The following EXOC6B variants were observed in gnomAD, a reference collection of about 807,000 sequenced individuals.
EXOC6B encodes the protein SEC15 homolog B.
A neutral mutation model predicts 113.5 loss-of-function variants in EXOC6B; 54 were observed. That is an observed-to-expected ratio of 0.48 (90% CI 0.38 to 0.60). EXOC6B has a LOEUF of 0.60. Ranked by LOEUF, EXOC6B falls within the 20% of genes least tolerant of loss-of-function variation. EXOC6B has a pLI of 0.00. For synonymous variants in EXOC6B, 357 were observed against 339.0 expected, an observed-to-expected ratio of 1.05 and a Z score of -0.58; for missense variants, 797 against 977.5, an observed-to-expected ratio of 0.82 and a Z score of 2.46.
At position 72,683,303 on chromosome 2, in the gene EXOC6B, T is replaced by TA. The variant is rs1158135640; in HGVS notation, c.669+34799dup. Among the ~76,000 whole-genome samples, 23 of 148,580 alleles carry TA rather than the reference T, an allele frequency of 1.5e-4. No homozygotes were observed. The South Asian group carries it at 2.5e-3, about 16-fold the overall frequency. Reference sequence around the variant, plus strand: ...TAGCAGATGCTCAAAAAGTGACTTTTAAAAAAAAAAGAGAAAGAATCCAAT... The same window carrying TA: ...TAGCAGATGCTCAAAAAGTGACTTTTAAAAAAAAAAAGAGAAAGAATCCAAT... On this transcript the variant is annotated intron_variant, in intron 6 of 21. Coordinates refer to ENST00000272427, the MANE Select transcript of EXOC6B (RefSeq NM_015189.3).
intron 1 of EXOC6B, among the ~76,000 whole-genome samples, chr2:72,755,084 C>T (rs1042141232): frequency 6.6e-6 from 1 of 152,166 alleles, no homozygotes; most frequent in East Asian, 1.9e-4. Context: ...CTGGCTCTCA[C>T]TTTGACACTG....
intron 18 of EXOC6B, among the ~76,000 whole-genome samples, chr2:72,445,678 C>T (rs1456226351): frequency 6.6e-6 from 1 of 152,078 alleles, no homozygotes; most frequent in Non-Finnish European, 1.5e-5. Context: ...TCTCATGAGA[C>T]TTATTCACTA....
intron 20 of EXOC6B, among the ~76,000 whole-genome samples, chr2:72,241,712 T>C (rs1031474315): frequency 3.9e-5 from 6 of 152,062 alleles, no homozygotes; most frequent in African/African-American, 7.2e-5. Context: ...TAGAAATATT[T>C]AAAATGTTGA....
chr2:72,766,244 C>A (rs1386673492), intron 1 of EXOC6B, among the ~76,000 whole-genome samples: 1 of 152,154 alleles, frequency 6.6e-6, no homozygotes, highest in Non-Finnish European at 1.5e-5. Context: ...CCAGCTCAGT[C>A]GTTGACTGGA....
At chr2:72,734,422 C>T (rs576053145) in intron 2 of EXOC6B, among the ~76,000 whole-genome samples, 2 of 152,244 alleles carry the variant, frequency 1.3e-5, no homozygotes, top group African/African-American at 4.8e-5. Flanking sequence ...CCAAAATGCA[C>T]ATCTAAGACA....
rs79932889 is a variant in EXOC6B, at chr2:72,271,591, T to C, written c.2196+63356A>G. On this transcript the variant is annotated intron_variant, in intron 20 of 21. Coordinates refer to ENST00000272427, the MANE Select transcript of EXOC6B (RefSeq NM_015189.3). ...AAAAGAAAGAGAAGGAGACAGAATCTACTGTGTCCTTTTGATTTTAGGGAA... is the reference window on the plus strand; with the variant it reads ...AAAAGAAAGAGAAGGAGACAGAATCCACTGTGTCCTTTTGATTTTAGGGAA... Among the ~76,000 whole-genome samples, 160 of 152,050 alleles carry C rather than the reference T, an allele frequency of 1.1e-3. 2 individuals carry two copies. The East Asian group carries it at 0.026, about 24-fold the overall frequency.
intron 19 of EXOC6B, among the ~76,000 whole-genome samples, chr2:72,377,385 C>G (rs112195214): frequency 0.012 from 1,858 of 152,094 alleles, 53 homozygotes; most frequent in African/African-American, 0.043. Flanking sequence ...ATCAGTTTGT[C>G]AAAAAGATAT....
intron 1 of EXOC6B, among the ~76,000 whole-genome samples, chr2:72,792,089 A>G (rs1472477524): frequency 6.6e-6 from 1 of 152,248 alleles, no homozygotes; most frequent in Non-Finnish European, 1.5e-5. Context: ...AATGTTCTTC[A>G]GTAGACCTTT....
At chr2:72,735,597 C>T (rs941541127) in intron 2 of EXOC6B, among the ~76,000 whole-genome samples, 1 of 151,362 alleles carries the variant, frequency 6.6e-6, no homozygotes, top group African/African-American at 2.4e-5. Flanking sequence ...GGTGGATCAA[C>T]CTGAGGTCAG....
chr2:72,183,748 C>T (rs889918661), intron 21 of EXOC6B, among the ~76,000 whole-genome samples: 54 of 151,280 alleles, frequency 3.6e-4, no homozygotes, highest in Admixed American at 9.2e-4. Context: ...CTGGCCTGAG[C>T]CCCAAACCGA....
rs148991038 is a variant in EXOC6B at position 72,231,558 on chromosome 2, C to T, written c.2197-47371G>A. On this transcript the variant is annotated intron_variant, in intron 20 of 21. Transcript: ENST00000272427. ...AGTATATAAAAAATGGGCAAATAAA[C>T]TGGGAAAATGTCTTCCTTTAGTAAA... is the stretch of plus-strand genomic sequence containing the variant. Among the ~76,000 whole-genome samples, 8 of 152,076 alleles carry T rather than the reference C, an allele frequency of 5.3e-5. No homozygotes were observed. In the East Asian group the frequency reaches 1.5e-3, roughly 29 times the overall value.
intron 1 of EXOC6B, among the ~76,000 whole-genome samples, chr2:72,747,697 C>T (rs1681790058): frequency 6.6e-6 from 1 of 152,042 alleles, no homozygotes; most frequent in African/African-American, 2.4e-5. Flanking sequence ...AGAGTCTACA[C>T]ACTTTACAAA....
intron 17 of EXOC6B, among the ~76,000 whole-genome samples, chr2:72,468,658 T>C (rs1038373918): frequency 3.5e-4 from 54 of 152,196 alleles, no homozygotes; most frequent in African/African-American, 1.2e-3. Context: ...CTTACTATTA[T>C]TTACTTTATT....
chr2:72,254,737 C>G (rs376567226), intron 20 of EXOC6B, among the ~76,000 whole-genome samples: 1 of 152,090 alleles, frequency 6.6e-6, no homozygotes, highest in Non-Finnish European at 1.5e-5. Context: ...CAGGGCCAGG[C>G]GTGGTGGCTC....
chr2:72,464,477 A>G (rs1226469922), intron 18 of EXOC6B: 1 of 152,418 alleles, frequency 6.6e-6, no homozygotes, highest in Admixed American at 6.6e-5. Context: ...TAAGGTGGTC[A>G]GCTTCAAACC....
intron 6 of EXOC6B, among the ~76,000 whole-genome samples, chr2:72,671,381 C>A (rs760350754): frequency 6.6e-6 from 1 of 152,058 alleles, no homozygotes; most frequent in African/African-American, 2.4e-5. Flanking sequence ...AGAAGACATA[C>A]AAATGGACAT....
At chr2:72,369,644 G>A (rs1690877163) in intron 19 of EXOC6B, among the ~76,000 whole-genome samples, 1 of 152,108 alleles carries the variant, frequency 6.6e-6, no homozygotes, top group African/African-American at 2.4e-5. Flanking sequence ...AAACAGCATG[G>A]TACTGGTACC....
intron 2 of EXOC6B, among the ~76,000 whole-genome samples, chr2:72,740,317 T>C (rs1681219282): frequency 6.6e-6 from 1 of 152,068 alleles, no homozygotes; most frequent in Non-Finnish European, 1.5e-5. Context: ...AAAAAAAGAA[T>C]TAAAAGCATA....
intron 20 of EXOC6B, among the ~76,000 whole-genome samples, chr2:72,285,847 C>T (rs1353632585): frequency 1.3e-5 from 2 of 151,958 alleles, no homozygotes; most frequent in East Asian, 1.9e-4. Context: ...GATACCTCAC[C>T]GAAGAAGATA....
Sources: gnomAD v4.1 joint callset for allele counts (sites outside exome capture counted in the v4.1 genomes callset) on GRCh38, gnomAD v4.1.1 for gene constraint, MANE v1.5 for transcripts, NCBI Gene and HGNC (gene_info 2026-07-23, HGNC 2026-07-21) for gene names.